DLGAP2: variants seen among roughly 807,000 people sequenced by gnomAD.
DLGAP2 encodes disks large-associated protein 2.
Under a neutral mutation model 100.3 loss-of-function variants are expected in DLGAP2, and 26 were observed. The ratio of observed to expected loss-of-function variants is 0.26; its 90% CI spans 0.19 to 0.36. DLGAP2 has a LOEUF of 0.36. Among genes scored for constraint, DLGAP2 ranks in the 10% least tolerant of loss-of-function variants. The pLI is 1.00. For synonymous variants in DLGAP2, 886 were observed against 630.1 expected, an observed-to-expected ratio of 1.41 and a Z score of -6.08; for missense variants, 1,858 against 1,453.2, an observed-to-expected ratio of 1.28 and a Z score of -4.53.
chr8:980,177 G>A (rs1456196356), intron 2 of DLGAP2, among the ~76,000 whole-genome samples: 1 of 152,182 alleles, frequency 6.6e-6, no homozygotes, highest in African/African-American at 2.4e-5. Context: ...TAACTTGGAG[G>A]GATTCAGGCC....
chr8:1,623,591 G>T (rs1363504224), intron 6 of DLGAP2, among the ~76,000 whole-genome samples: 1 of 150,046 alleles, frequency 6.7e-6, no homozygotes, highest in Non-Finnish European at 1.5e-5. Context: ...ACCAGTGTGT[G>T]ATGACCTGGC....
intron 2 of DLGAP2, among the ~76,000 whole-genome samples, chr8:943,727 C>T (rs867541951): frequency 2.6e-5 from 4 of 152,170 alleles, no homozygotes; most frequent in South Asian, 2.1e-4. Flanking sequence ...GTGGCCATCC[C>T]GCCACAAGCA....
At chr8:1,252,830 C>T (rs1313350187) in intron 2 of DLGAP2, among the ~76,000 whole-genome samples, 1 of 152,230 alleles carries the variant, frequency 6.6e-6, no homozygotes, top group East Asian at 1.9e-4. Flanking sequence ...GAGGATCCTG[C>T]CGTGTGCTCG....
chr8:914,032 A>G (rs1180801962), intron 2 of DLGAP2, among the ~76,000 whole-genome samples: 1 of 152,274 alleles, frequency 6.6e-6, no homozygotes, highest in Non-Finnish European at 1.5e-5. Flanking sequence ...ATTTACACAT[A>G]CAAGATTAAA....
chr8:994,262 G>A (rs905213604), intron 2 of DLGAP2, among the ~76,000 whole-genome samples: 9 of 152,086 alleles, frequency 5.9e-5, no homozygotes, highest in East Asian at 1.9e-4. Context: ...GTGCAGTGGC[G>A]CGATCTCGGC....
At chr8:782,407 T>C (rs1401056556) in intron 1 of DLGAP2, among the ~76,000 whole-genome samples, 1 of 152,130 alleles carries the variant, frequency 6.6e-6, no homozygotes. Flanking sequence ...ACATACTCTC[T>C]CACTAGGCCA....
chr8:1,607,412 A>T (rs1055178209), intron 6 of DLGAP2, among the ~76,000 whole-genome samples: 1 of 152,242 alleles, frequency 6.6e-6, no homozygotes, highest in African/African-American at 2.4e-5. Context: ...CGTTTAAGTC[A>T]CTGTCCTTTC....
intron 1 of DLGAP2, among the ~76,000 whole-genome samples, chr8:853,904 C>T (rs1209331227): frequency 6.6e-6 from 1 of 152,090 alleles, no homozygotes; most frequent in Non-Finnish European, 1.5e-5. Context: ...GGAGAGACCA[C>T]TGGGAGGTCA....
intron 1 of DLGAP2, among the ~76,000 whole-genome samples, chr8:852,376 T>C (rs1797198116): frequency 6.6e-6 from 1 of 152,202 alleles, no homozygotes; most frequent in Non-Finnish European, 1.5e-5. Flanking sequence ...TTTTCACACG[T>C]GATCTTCAGT....
At chr8:1,611,076 G>A (rs1345865828) in intron 6 of DLGAP2, among the ~76,000 whole-genome samples, 1 of 140,446 alleles carries the variant, frequency 7.1e-6, no homozygotes, top group East Asian at 2.2e-4. Context: ...GCCGGGCAGA[G>A]ACACAACCAA....
rs1216823694 is a variant in DLGAP2 at position 1,351,052 on chromosome 8, G to A, written c.106+92169G>A. 6.6e-4 allele frequency among the ~76,000 whole-genome samples: 39 copies of A among 59,078 alleles called. 1 individual carries two copies. The highest frequency in any genetic ancestry group is 1.4e-3 in the African/African-American group (15 of 10,914). The allele number at this position is 59,078 out of a possible 152,430, so 38.8% of individuals were successfully genotyped here. On this transcript the variant is annotated intron_variant, in intron 3 of 14. Coordinates refer to ENST00000637795, the MANE Select transcript of DLGAP2 (RefSeq NM_001346810.2). Reference sequence around the variant, plus strand: ...GCGGGTCCTGACTGTGTGTGGAAAGGCCGTGCAGATCCTGAGTGTGTGTGG... The same window carrying A: ...GCGGGTCCTGACTGTGTGTGGAAAGACCGTGCAGATCCTGAGTGTGTGTGG...
At chr8:1,273,517 C>T (rs1387933029) in intron 3 of DLGAP2, among the ~76,000 whole-genome samples, 2 of 152,168 alleles carry the variant, frequency 1.3e-5, no homozygotes, top group African/African-American at 2.4e-5. Context: ...CGGCAGTTCA[C>T]GTGCTCAAGT....
intron 1 of DLGAP2, among the ~76,000 whole-genome samples, chr8:780,893 G>GCAA (rs375027248): frequency 1.8e-3 from 268 of 152,246 alleles, no homozygotes; most frequent in African/African-American, 6.3e-3. Context: ...TACCAGAGTA[G>GCAA]CAATTATTGA....
intron 2 of DLGAP2, among the ~76,000 whole-genome samples, chr8:1,028,758 G>A (rs1801890843): frequency 6.6e-6 from 1 of 152,218 alleles, no homozygotes; most frequent in Admixed American, 6.5e-5. Context: ...GAGTTTTAAA[G>A]GCAGTGAGAA....
At position 1,304,017 on chromosome 8, in the gene DLGAP2, A is replaced by C. The variant is rs565338945; in HGVS notation, c.106+45134A>C. Among the ~76,000 whole-genome samples, 5 of 152,312 alleles carry C rather than the reference A, an allele frequency of 3.3e-5. No individual in the cohort carries two copies. The East Asian group carries it at 9.6e-4, about 29-fold the overall frequency. ...GCAGACCCTGGAAGGCTGCTTAGCC[A>C]CTCAGCCTTTTCCAGACAGCTCATT... On this transcript the variant is annotated intron_variant, in intron 3 of 14. Coordinates refer to ENST00000637795, the MANE Select transcript of DLGAP2 (RefSeq NM_001346810.2).
chr8:970,572 G>C (rs982010165), intron 2 of DLGAP2, among the ~76,000 whole-genome samples: 2 of 152,170 alleles, frequency 1.3e-5, no homozygotes, highest in African/African-American at 2.4e-5. Context: ...ATTAGATTTT[G>C]TAAGAATACT....
intron 3 of DLGAP2, among the ~76,000 whole-genome samples, chr8:1,445,544 A>T (rs973805771): frequency 6.6e-6 from 1 of 152,056 alleles, no homozygotes; most frequent in Non-Finnish European, 1.5e-5. Flanking sequence ...GTGCCGCAAT[A>T]AACACACGCG....
At chr8:1,464,171 CA>C (rs1798541235) in intron 3 of DLGAP2, among the ~76,000 whole-genome samples, 1 of 46,394 alleles carries the variant, frequency 2.2e-5, no homozygotes, top group African/African-American at 9.1e-5. Context: ...CCTTCCAGGA[CA>C]GCACCCGTCC....
At chr8:1,065,111 C>G (rs958440869) in intron 2 of DLGAP2, among the ~76,000 whole-genome samples, 7 of 152,312 alleles carry the variant, frequency 4.6e-5, no homozygotes, top group East Asian at 1.9e-4. Context: ...ACCAGGGCGC[C>G]TGCCTTTATT....
Sources: gnomAD v4.1 joint callset for allele counts (sites outside exome capture counted in the v4.1 genomes callset) on GRCh38, gnomAD v4.1.1 for gene constraint, MANE v1.5 for transcripts, NCBI Gene and HGNC (gene_info 2026-07-23, HGNC 2026-07-21) for gene names.